The following MAD1L1 variants were observed in gnomAD, a reference collection of about 807,000 sequenced individuals.
The protein encoded by MAD1L1 is mitotic arrest deficient 1 like 1, also known as mitotic spindle assembly checkpoint protein MAD1.
Under a neutral mutation model 96.9 loss-of-function variants are expected in MAD1L1, and 95 were observed. The ratio of observed to expected loss-of-function variants is 0.98; its 90% CI spans 0.83 to 1.16. The LOEUF (loss-of-function observed/expected upper bound fraction) is 1.16, where lower values mean the gene tolerates loss of function less well. Among genes scored for constraint, MAD1L1 ranks in the 50% most tolerant of loss-of-function variants. The probability of loss-of-function intolerance (pLI) is 0.00; values close to 1 mark genes in which losing one functional copy is unlikely to be tolerated. For synonymous variants in MAD1L1, 473 were observed against 396.6 expected (o/e 1.19, Z -2.29); for missense variants, 1,007 against 954.4 (o/e 1.06, Z -0.73).
chr7:2,205,773 A>G (rs1411008783), intron 10 of MAD1L1, among the ~76,000 whole-genome samples: 2 of 152,200 alleles, frequency 1.3e-5, no homozygotes, highest in Non-Finnish European at 1.5e-5. Flanking sequence ...TTCCCCTAAT[A>G]ACTAACAATG....
chr7:2,212,070 C>A (rs1243302594), intron 10 of MAD1L1, among the ~76,000 whole-genome samples: 1 of 151,964 alleles, frequency 6.6e-6, no homozygotes, highest in Non-Finnish European at 1.5e-5. Flanking sequence ...AAGAGGGGTC[C>A]AGACCAGAGC....
At chr7:2,158,181 A>G (rs895841562) in intron 10 of MAD1L1, among the ~76,000 whole-genome samples, 1 of 152,234 alleles carries the variant, frequency 6.6e-6, no homozygotes, top group African/African-American at 2.4e-5. Context: ...ACTCAAGCCC[A>G]GCTGCACGCA....
At chr7:1,970,964 T>C (rs1189301501) in intron 15 of MAD1L1, among the ~76,000 whole-genome samples, 2 of 152,242 alleles carry the variant, frequency 1.3e-5, no homozygotes, top group Non-Finnish European at 2.9e-5. Flanking sequence ...CCTTCCATTG[T>C]GTGCGAGTTG....
intron 14 of MAD1L1, among the ~76,000 whole-genome samples, chr7:2,001,620 G>A (rs1445495691): frequency 6.6e-6 from 1 of 152,248 alleles, no homozygotes; most frequent in African/African-American, 2.4e-5. Flanking sequence ...TCCCTCTCCT[G>A]GTCAGGACCC....
intron 16 of MAD1L1, 27 bp downstream of exon 16, chr7:1,957,602 C>A (rs1001076775): frequency 2.2e-5 from 36 of 1,610,666 alleles, no homozygotes; most frequent in Non-Finnish European, 3.0e-5. Flanking sequence ...CAGGCAGTGC[C>A]TCACCCAGAG....
intron 13 of MAD1L1, among the ~76,000 whole-genome samples, chr7:2,006,998 C>A (rs1782061575): frequency 6.6e-6 from 1 of 151,996 alleles, no homozygotes; most frequent in South Asian, 2.1e-4. Context: ...GGGGTGAGTC[C>A]CCCAGGACGC....
intron 15 of MAD1L1, among the ~76,000 whole-genome samples, chr7:1,959,338 A>C (rs1350039326): frequency 1.3e-5 from 2 of 152,244 alleles, no homozygotes; most frequent in South Asian, 2.1e-4. Flanking sequence ...CAGCTTCATG[A>C]GGCATAAAAT....
At chr7:1,819,688 G>A (rs1032184236) in intron 18 of MAD1L1, among the ~76,000 whole-genome samples, 26 of 152,170 alleles carry the variant, frequency 1.7e-4, no homozygotes, top group Non-Finnish European at 3.4e-4. Context: ...CAGCGGGCAC[G>A]GACAAGAGGC....
At chr7:1,915,891 A>G (rs1788356518) in intron 17 of MAD1L1, among the ~76,000 whole-genome samples, 1 of 152,196 alleles carries the variant, frequency 6.6e-6, no homozygotes, top group Non-Finnish European at 1.5e-5. Context: ...CACCATCACT[A>G]CCACAGGAAA....
At chr7:1,925,791 G>A (rs1443135320) in intron 17 of MAD1L1, among the ~76,000 whole-genome samples, 1 of 152,196 alleles carries the variant, frequency 6.6e-6, no homozygotes, top group African/African-American at 2.4e-5. Flanking sequence ...GCAGCACTCA[G>A]ATGCAAATTT....
chr7:1,888,531 G>A (rs1438349486), intron 18 of MAD1L1, among the ~76,000 whole-genome samples: 2 of 116,410 alleles, frequency 1.7e-5, no homozygotes, highest in Non-Finnish European at 3.5e-5. Flanking sequence ...TGCGTGTGTG[G>A]TTGCCTGTGC....
intron 11 of MAD1L1, among the ~76,000 whole-genome samples, chr7:2,129,193 C>T (rs948692336): frequency 6.6e-6 from 1 of 152,204 alleles, no homozygotes; most frequent in Admixed American, 6.5e-5. Flanking sequence ...CTGGGGCCAC[C>T]AGGGCTAACC....
At chr7:1,822,841 C>G (rs1452613539) in intron 18 of MAD1L1, among the ~76,000 whole-genome samples, 1 of 151,160 alleles carries the variant, frequency 6.6e-6, no homozygotes, top group African/African-American at 2.4e-5. Context: ...GAGAACCGTA[C>G]AGCTACAGCA....
intron 12 of MAD1L1, among the ~76,000 whole-genome samples, chr7:2,018,515 C>T (rs987938351): frequency 2.6e-5 from 4 of 152,174 alleles, no homozygotes; most frequent in Admixed American, 6.5e-5. Flanking sequence ...GCCATGGCCA[C>T]GCCTGGTGAG....
At chr7:1,943,698 G>A (rs866343304) in intron 16 of MAD1L1, among the ~76,000 whole-genome samples, 2 of 151,966 alleles carry the variant, frequency 1.3e-5, no homozygotes, top group Admixed American at 6.6e-5. Context: ...ATGGTGAAAC[G>A]GTTACCATGT....
At position 2,156,406 on chromosome 7, in the gene MAD1L1, G is replaced by GCCCCA. The variant is rs1433067264; in HGVS notation, c.987-7173_987-7169dup. On this transcript the variant is annotated intron_variant, in intron 10 of 18. Coordinates refer to ENST00000265854, the MANE Select transcript of MAD1L1 (RefSeq NM_001013836.2). ...ATCTGAGGCAACTCCAGCCTGCCCC[G>GCCCCA]CCCCACCCCACCCCACTGAATCAAG... Among the ~76,000 whole-genome samples the GCCCCA allele has an allele frequency of 8.3e-5, 10 of 120,990 alleles. No homozygotes were observed. The South Asian group carries it at 1.4e-3, about 16-fold the overall frequency. The allele number at this position is 120,990 out of a possible 152,430, so 79.4% of individuals were successfully genotyped here. A position where few individuals can be genotyped will look rare whatever the true frequency, so the allele number is the denominator to read the frequency against.
intron 18 of MAD1L1, among the ~76,000 whole-genome samples, chr7:1,840,322 C>T (rs1481735996): frequency 6.6e-6 from 1 of 152,258 alleles, no homozygotes. Flanking sequence ...CCACCTCCTC[C>T]AGGCAGCCTT....
intron 13 of MAD1L1, among the ~76,000 whole-genome samples, chr7:2,014,257 G>A (rs1014442578): frequency 3.9e-5 from 6 of 152,168 alleles, no homozygotes; most frequent in Non-Finnish European, 8.8e-5. Context: ...TCTGTCATCC[G>A]CTTGCAGGCT....
At chr7:1,962,184 A>G (rs1458617405) in intron 15 of MAD1L1, among the ~76,000 whole-genome samples, 1 of 152,264 alleles carries the variant, frequency 6.6e-6, no homozygotes, top group Non-Finnish European at 1.5e-5. Context: ...GGTTTCCCAC[A>G]TACCATTCTC....
Sources: allele counts gnomAD v4.1 joint callset (sites outside exome capture counted in the v4.1 genomes callset), GRCh38; gene constraint gnomAD v4.1.1; transcripts MANE v1.5; gene names NCBI Gene and HGNC (gene_info 2026-07-23, HGNC 2026-07-21).